Variants in DDHD2 observed in about 807,000 individuals in gnomAD.
DDHD2 encodes the protein triacylglycerol hydrolase DDHD2.
In DDHD2, 62 loss-of-function variants were observed where a neutral mutation model predicts 91.2. That is an observed-to-expected ratio of 0.68 (90% CI 0.55 to 0.84). The LOEUF is 0.84. Ranked by LOEUF, DDHD2 falls within the 40% of genes least tolerant of loss-of-function variation. The pLI is 0.00. For missense variants in DDHD2, 740 were observed against 846.9 expected, an observed-to-expected ratio of 0.87 and a Z score of 1.57; for synonymous variants, 271 against 293.9, an observed-to-expected ratio of 0.92 and a Z score of 0.80.
intron 1 of DDHD2, 84 bp downstream of exon 1, chr8:38,231,943 G>T: frequency 6.5e-6 from 1 of 153,532 alleles, no homozygotes; most frequent in Non-Finnish European, 1.4e-5. Flanking sequence ...GGGCCGGGAT[G>T]CGGGGCGGGG....
chr8:38,269,041 T>C, intron 1 of DDHD2: 1 of 1,531,084 alleles, frequency 6.5e-7, no homozygotes, highest in Non-Finnish European at 8.8e-7. Flanking sequence ...TCCTCCCCGC[T>C]TCCCCACTGC....
chr8:38,264,912 T>C (rs759129184), downstream of DDHD2: 7 of 1,612,956 alleles, frequency 4.3e-6, no homozygotes, highest in Admixed American at 1.7e-5. Flanking sequence ...GGTCCACTTA[T>C]TGCTATTCAT....
At chr8:38,243,700 T>C (rs920188849) in intron 7 of DDHD2, among the ~76,000 whole-genome samples, 1 of 151,954 alleles carries the variant, frequency 6.6e-6, no homozygotes, top group Non-Finnish European at 1.5e-5. Flanking sequence ...TGATCACAGC[T>C]CACTGCAGCC....
rs766944657 is a variant in DDHD2 at position 38,245,734 on chromosome 8, T to A, written c.849-8T>A. 2.2e-5 allele frequency: 35 copies of A among 1,613,206 alleles called. 1 individual carries two copies. In the South Asian group the frequency reaches 3.6e-4, roughly 17 times the overall value. ...GTTTCCTGCTTATATTATTTTTCCT[T>A]TTTTCAGAGATCTGCAGCGAATAAC... On this transcript the variant is annotated splice_region_variant and splice_polypyrimidine_tract_variant and intron_variant, in intron 7 of 17. Transcript: ENST00000397166.
chr8:38,253,035 CT>C lies in DDHD2; in HGVS notation c.1803del (p.Phe601LeufsTer53), dbSNP rs1312739762. 6.2e-7 allele frequency: 1 copy of C among 1,614,120 alleles called. No individual in the cohort carries two copies. The highest frequency in any genetic ancestry group is 8.5e-7 in the Non-Finnish European group (1 of 1,180,026). ...LLGSLRMAWK[S>X]FTRAPYPALQ... ...GGTTCGCTGCGGATGGCCTGGAAGT[CT>C]TTTACCAGAGCTCCATACCCTGCCT... On this transcript the variant is annotated frameshift_variant, in exon 15 of 18. Transcript: ENST00000397166. LOFTEE classifies it high-confidence loss of function.
At chr8:38,258,673 C>CT (rs1241878647) in intron 16 of DDHD2, among the ~76,000 whole-genome samples, 2 of 152,174 alleles carry the variant, frequency 1.3e-5, no homozygotes, top group Non-Finnish European at 1.5e-5. Context: ...ACAGGAATTT[C>CT]TTAAGCTGGG....
rs545663151 is a variant in DDHD2 at position 38,267,943 on chromosome 8, C to T, written n.88-3179C>T. On this transcript the variant is annotated intron_variant and non_coding_transcript_variant, in intron 1 of 1. Coordinates refer to the DDHD2 transcript ENST00000526071. The stretch of plus-strand genomic sequence containing the variant: ...GTGTTGGTAAAGACGCCATTCAGAG[C>T]CAGGGCAAGGCTGGCAGCTGCAAAG... 138 of 1,613,954 alleles carry T rather than the reference C, an allele frequency of 8.6e-5. No homozygotes were observed. The Middle Eastern group carries it at 1.3e-3, about 15-fold the overall frequency.
At chr8:38,259,220 T>A (rs1342311068) in intron 16 of DDHD2, among the ~76,000 whole-genome samples, 1 of 88,320 alleles carries the variant, frequency 1.1e-5, no homozygotes. Flanking sequence ...TCTTACTGGC[T>A]TTTTTTTTTT....
downstream of DDHD2, chr8:38,263,883 T>C (rs1018362955): frequency 9.1e-6 from 9 of 984,702 alleles, no homozygotes; most frequent in Non-Finnish European, 1.1e-5. Flanking sequence ...TCTTCAGATA[T>C]TAATCTGATA....
At chr8:38,266,274 C>T, downstream of DDHD2, 1 of 1,613,590 alleles carries the variant, frequency 6.2e-7, no homozygotes, top group Non-Finnish European at 8.5e-7. Context: ...ACTTCCCTGC[C>T]AGGTAGAAGG....
intron 1 of DDHD2, chr8:38,268,235 C>T: frequency 2.8e-6 from 3 of 1,065,694 alleles, no homozygotes; most frequent in Non-Finnish European, 4.0e-6. Flanking sequence ...GTGCTATTTT[C>T]CTCTCCCGCG....
chr8:38,246,700 G>A (rs1805659825), intron 9 of DDHD2: 1 of 174,132 alleles, frequency 5.7e-6, no homozygotes, highest in Non-Finnish European at 1.2e-5. Flanking sequence ...AAATTAGCTG[G>A]GCATGGTGGT....
rs1160407819 is a variant in DDHD2, at chr8:38,252,025, G to T, written c.1458G>T (p.Gly486=). ...RNGDYLDVGI[G]QVSVKYPRLI... The stretch of plus-strand genomic sequence containing the variant: ...GTGACTATCTGGATGTTGGCATTGG[G>T]CAGGTAACTAATTCTCTTTGATCAT... The change falls in exon 12 of 18, where the codon GGG becomes GGT. Residue 486 remains glycine (G), a synonymous_variant. Transcript: ENST00000397166. 2 of 1,612,738 alleles carry T rather than the reference G, an allele frequency of 1.2e-6. No homozygotes were observed. Among genetic ancestry groups the T allele is most frequent in the South Asian group, 1.1e-5 (1 of 91,050 alleles).
intron 3 of DDHD2, 76 bp downstream of exon 3, chr8:38,234,660 T>A (rs1016775180): frequency 3.0e-5 from 39 of 1,292,752 alleles, no homozygotes; most frequent in Non-Finnish European, 4.0e-5. Flanking sequence ...TGTAATTTAT[T>A]TTGTGAAATT....
chr8:38,253,602 G>T lies in DDHD2; in HGVS notation c.1938G>T (p.Leu646=), dbSNP rs767484541. The T allele has an allele frequency of 5.6e-6, 9 of 1,613,952 alleles. No individual in the cohort carries two copies. In the East Asian group the frequency reaches 2.0e-4, roughly 36 times the overall value. ...CTGTGGCAGTTAAAGAAGAAGTCCT[G>T]CCTATCAATGTGGGGATGCTGAATG... ...ETSVAVKEEV[L]PINVGMLNGG... The change falls in exon 16 of 18, where the codon CTG becomes CTT. Residue 646 remains leucine, a synonymous_variant. Coordinates refer to ENST00000397166, the MANE Select transcript of DDHD2 (RefSeq NM_015214.3).
At chr8:38,248,129 C>G (rs1805791896) in intron 10 of DDHD2, among the ~76,000 whole-genome samples, 1 of 152,152 alleles carries the variant, frequency 6.6e-6, no homozygotes, top group South Asian at 2.1e-4. Context: ...TATTCCAACT[C>G]TAATTTTCTG....
At chr8:38,264,778 T>G (rs529459257), downstream of DDHD2, 2 of 1,480,744 alleles carry the variant, frequency 1.4e-6, no homozygotes, top group South Asian at 2.8e-5. Context: ...TTTATCATAG[T>G]TACAGTATTA....
intron 1 of DDHD2, chr8:38,268,242 C>T (rs529867622): frequency 3.7e-6 from 4 of 1,082,012 alleles, no homozygotes; most frequent in African/African-American, 1.6e-5. Flanking sequence ...TTTCCTCTCC[C>T]GCGGGGATAG....
At chr8:38,238,359 C>A in intron 5 of DDHD2, 150 bp downstream of exon 5, 1 of 1,432,364 alleles carries the variant, frequency 7.0e-7, no homozygotes. Flanking sequence ...AGCATCACTT[C>A]GTCTACTAAG....
Sources: gnomAD v4.1 joint callset for allele counts (sites outside exome capture counted in the v4.1 genomes callset) on GRCh38, gnomAD v4.1.1 for gene constraint, MANE v1.5 for transcripts, NCBI Gene and HGNC (gene_info 2026-07-23, HGNC 2026-07-21) for gene names.